The following CACNA1E variants were observed in gnomAD, a reference collection of about 807,000 sequenced individuals.
CACNA1E encodes the protein voltage-dependent R-type calcium channel subunit alpha-1E.
A neutral mutation model predicts 259.2 loss-of-function variants in CACNA1E; 40 were observed. The observed-to-expected ratio is 0.15, with a 90% CI of 0.12 to 0.20. The LOEUF is 0.20. Among genes scored for constraint, CACNA1E ranks in the 10% least tolerant of loss-of-function variants. The probability of loss-of-function intolerance (pLI) is 1.00; values close to 1 mark genes in which losing one functional copy is unlikely to be tolerated. For missense variants in CACNA1E, 1,874 were observed against 3,040.1 expected, an observed-to-expected ratio of 0.62 and a Z score of 9.02; for synonymous variants, 1,104 against 1,138.5, an observed-to-expected ratio of 0.97 and a Z score of 0.61.
At chr1:181,546,113 A>G (rs529415843) in intron 3 of CACNA1E, among the ~76,000 whole-genome samples, 1 of 152,178 alleles carries the variant, frequency 6.6e-6, no homozygotes, top group Admixed American at 6.5e-5. Flanking sequence ...GTTCACCTCT[A>G]GCAGATGTAA....
intron 2 of CACNA1E, among the ~76,000 whole-genome samples, chr1:181,437,259 C>T (rs182640919): frequency 6.6e-6 from 1 of 152,252 alleles, no homozygotes; most frequent in African/African-American, 2.4e-5. Context: ...AAATTTTCCA[C>T]ATTTGCTCTT....
intron 6 of CACNA1E, among the ~76,000 whole-genome samples, chr1:181,604,030 C>T (rs1653994107): frequency 6.6e-6 from 1 of 152,198 alleles, no homozygotes; most frequent in South Asian, 2.1e-4. Flanking sequence ...CAGAGCTAGA[C>T]AGCCATTCTC....
At chr1:181,712,716 C>T (rs1309076488) in intron 8 of CACNA1E, among the ~76,000 whole-genome samples, 6 of 151,986 alleles carry the variant, frequency 3.9e-5, no homozygotes, top group Non-Finnish European at 8.8e-5. Context: ...TCAGGCTTAC[C>T]ATGGGAGGTC....
intron 2 of CACNA1E, among the ~76,000 whole-genome samples, chr1:181,435,977 G>T (rs1002167711): frequency 2.0e-5 from 3 of 152,128 alleles, no homozygotes; most frequent in Non-Finnish European, 2.9e-5. Flanking sequence ...ATCTGATAAG[G>T]AGTTAATATT....
chr1:181,653,382 C>T (rs1319570169), intron 7 of CACNA1E, among the ~76,000 whole-genome samples: 1 of 152,206 alleles, frequency 6.6e-6, no homozygotes, highest in East Asian at 1.9e-4. Flanking sequence ...AGGGAGTTTC[C>T]CTGTACAAGC....
intron 1 of CACNA1E, among the ~76,000 whole-genome samples, chr1:181,361,361 C>T (rs1457304859): frequency 6.6e-6 from 1 of 152,196 alleles, no homozygotes; most frequent in African/African-American, 2.4e-5. Flanking sequence ...TATTGTTCTA[C>T]TACCATATGT....
In CACNA1E at chr1:181,732,290, C is replaced by A. The variant is rs1351973091; in HGVS notation, c.2298-94C>A. 5.6e-6 allele frequency: 8 copies of A among 1,424,854 alleles called. No individual in the cohort carries two copies. Among genetic ancestry groups the A allele is most frequent in the Non-Finnish European group, 6.4e-6 (7 of 1,092,432 alleles). 88.3% of individuals were successfully genotyped at this position (1,424,854 alleles called of 1,614,324 possible). A position where few individuals can be genotyped will look rare whatever the true frequency, so the allele number is the denominator to read the frequency against. ...CCTGGGCACTCCCATTTGCCCCCACCATGTGTCCTGCCCTCTCACATGGCC... is the reference window on the plus strand; with the variant it reads ...CCTGGGCACTCCCATTTGCCCCCACAATGTGTCCTGCCCTCTCACATGGCC... On this transcript the variant is annotated intron_variant, in intron 19 of 47. Transcript: ENST00000367573. This position sits in a 1 kb window ranked among gnomAD's most constrained non-coding sequence, Gnocchi z 5.5.
intron 1 of CACNA1E, among the ~76,000 whole-genome samples, chr1:181,505,398 G>A (rs1005453435): frequency 3.3e-5 from 5 of 151,858 alleles, no homozygotes; most frequent in African/African-American, 4.8e-5. Context: ...TTGAGACGGA[G>A]TCTTGCTGTG....
intron 3 of CACNA1E, among the ~76,000 whole-genome samples, chr1:181,574,966 A>G (rs530652218): frequency 6.6e-6 from 1 of 152,054 alleles, no homozygotes; most frequent in Admixed American, 6.6e-5. Flanking sequence ...CGGAGGTTGC[A>G]GTGAGCTGAG....
chr1:181,608,626 G>A (rs1257563638), intron 6 of CACNA1E, among the ~76,000 whole-genome samples: 2 of 152,172 alleles, frequency 1.3e-5, no homozygotes, highest in African/African-American at 4.8e-5. Context: ...GAATGGATGA[G>A]ACTGAATGCA....
At chr1:181,364,964 A>G (rs896258844) in intron 1 of CACNA1E, among the ~76,000 whole-genome samples, 1 of 152,018 alleles carries the variant, frequency 6.6e-6, no homozygotes, top group African/African-American at 2.4e-5. Flanking sequence ...TTTCCTCTGT[A>G]CAAGCCTTTG....
At chr1:181,503,585 C>G (rs1665450636) in intron 1 of CACNA1E, among the ~76,000 whole-genome samples, 1 of 152,234 alleles carries the variant, frequency 6.6e-6, no homozygotes, top group African/African-American at 2.4e-5. Flanking sequence ...AGCCAGCCCA[C>G]TCCTGAGGGC....
intron 1 of CACNA1E, among the ~76,000 whole-genome samples, chr1:181,395,154 C>T (rs1656578883): frequency 6.6e-6 from 1 of 152,072 alleles, no homozygotes; most frequent in South Asian, 2.1e-4. Context: ...TGGCTTGTAC[C>T]AGGATGGTAG....
chr1:181,697,340 C>G (rs1651808909), intron 7 of CACNA1E, among the ~76,000 whole-genome samples: 1 of 152,230 alleles, frequency 6.6e-6, no homozygotes, highest in Admixed American at 6.5e-5. Context: ...GATGTATGAT[C>G]TTGAACAGAT....
chr1:181,529,233 A>C (rs1040512397), intron 3 of CACNA1E, among the ~76,000 whole-genome samples: 1 of 149,946 alleles, frequency 6.7e-6, no homozygotes, highest in Non-Finnish European at 1.5e-5. Flanking sequence ...GGCAGCTTCC[A>C]CATGGTGTTG....
intron 2 of CACNA1E, among the ~76,000 whole-genome samples, chr1:181,428,331 C>T (rs1408233838): frequency 6.6e-6 from 1 of 152,166 alleles, no homozygotes; most frequent in Admixed American, 6.5e-5. Context: ...ATGAGCCCAC[C>T]CTCTCAAGGT....
chr1:181,673,948 G>A (rs1649080489), intron 7 of CACNA1E, among the ~76,000 whole-genome samples: 1 of 152,062 alleles, frequency 6.6e-6, no homozygotes, highest in African/African-American at 2.4e-5. Flanking sequence ...AGAGTACCAT[G>A]TTCCCGTTAT....
chr1:181,344,581 G>T (rs957199653), intron 1 of CACNA1E, among the ~76,000 whole-genome samples: 2 of 152,168 alleles, frequency 1.3e-5, no homozygotes, highest in Non-Finnish European at 2.9e-5. Context: ...TTGCCTCAGG[G>T]GAAAACCAGG....
At chr1:181,792,658 T>C (rs1348955365) in intron 44 of CACNA1E, among the ~76,000 whole-genome samples, 2 of 123,360 alleles carry the variant, frequency 1.6e-5, no homozygotes, top group African/African-American at 6.5e-5. Context: ...TCCCAGACAC[T>C]CTTTCCTTTG....
Sources: gnomAD v4.1 joint callset for allele counts (sites outside exome capture counted in the v4.1 genomes callset) on GRCh38, gnomAD v4.1.1 for gene constraint, Gnocchi (gnomAD v3.1) non-coding constraint, MANE v1.5 for transcripts, NCBI Gene and HGNC (gene_info 2026-07-23, HGNC 2026-07-21) for gene names.